TJP3: variants seen among roughly 807,000 people sequenced by gnomAD.
TJP3 encodes the protein tight junction protein 3.
Under a neutral mutation model 104.2 loss-of-function variants are expected in TJP3, and 85 were observed. That is an observed-to-expected ratio of 0.82 (90% CI 0.68 to 0.98). TJP3 has a LOEUF of 0.98. Ranked by LOEUF, TJP3 falls within the 50% of genes least tolerant of loss-of-function variation. The probability of loss-of-function intolerance (pLI) is 0.00; values close to 1 mark genes in which losing one functional copy is unlikely to be tolerated. For missense variants in TJP3, 1,367 were observed against 1,322.8 expected, an observed-to-expected ratio of 1.03 and a Z score of -0.52; for synonymous variants, 550 against 550.6, an observed-to-expected ratio of 1.00 and a Z score of 0.02.
chr19:3,732,569 G>A (rs1489439829), intron 6 of TJP3, among the ~76,000 whole-genome samples: 1 of 151,820 alleles, frequency 6.6e-6, no homozygotes, highest in Non-Finnish European at 1.5e-5. Context: ...GAGTGCAGTG[G>A]CGCAATCTCG....
intron 1 of TJP3, among the ~76,000 whole-genome samples, chr19:3,709,038 G>A (rs1174761093): frequency 6.6e-6 from 1 of 151,772 alleles, no homozygotes; most frequent in Admixed American, 6.6e-5. Flanking sequence ...TGCGTCTCCC[G>A]CCCCCCAACC....
Position 3,746,417 on chromosome 19 carries a change from T to C in TJP3, c.2011-68T>C. 1 of 1,526,060 alleles carries C rather than the reference T, an allele frequency of 6.6e-7. No homozygotes were observed. Among genetic ancestry groups the C allele is most frequent in the Non-Finnish European group, 9.0e-7 (1 of 1,111,002 alleles). 94.5% of individuals were successfully genotyped at this position (1,526,060 alleles called of 1,614,324 possible). On this transcript the variant is annotated intron_variant, in intron 16 of 20. Transcript: ENST00000541714. The surrounding 1 kb of genome is among the most constrained non-coding windows in gnomAD (Gnocchi z 4.1). The stretch of plus-strand genomic sequence containing the variant: ...ACTCTGACCTCAGACTCTTCATCTT[T>C]CTATCTTTCTCTCTCTGTTTACCCT...
intron 14 of TJP3, among the ~76,000 whole-genome samples, chr19:3,743,225 C>A (rs2036845980): frequency 6.6e-6 from 1 of 152,096 alleles, no homozygotes; most frequent in African/African-American, 2.4e-5. Context: ...GATTGCGCCA[C>A]TGCACTCCAG....
chr19:3,746,344 AC>A lies in TJP3; in HGVS notation c.2011-136del. ...AGATGCTGCGACCTGGGCTGTTACC[AC>A]CCCCATCCCCAACTTGCTAGCCTGT... On this transcript the variant is annotated intron_variant, in intron 16 of 20. Transcript: ENST00000541714. The surrounding 1 kb of genome is among the most constrained non-coding windows in gnomAD (Gnocchi z 4.1). 3.2e-6 allele frequency: 3 copies of A among 937,856 alleles called. No individual in the cohort carries two copies. The highest frequency in any genetic ancestry group is 3.2e-6 in the Non-Finnish European group (2 of 630,068). The allele number at this position is 937,856 out of a possible 1,614,324, so 58.1% of individuals were successfully genotyped here.
At chr19:3,720,880 C>T (rs1177984271) in intron 1 of TJP3, among the ~76,000 whole-genome samples, 3 of 148,832 alleles carry the variant, frequency 2.0e-5, no homozygotes, top group East Asian at 2.0e-4. Context: ...CCTTCCTTCC[C>T]TTCTTTCCTT....
At chr19:3,715,093 GT>G (rs34360179) in intron 1 of TJP3, among the ~76,000 whole-genome samples, 3,512 of 142,948 alleles carry the variant, frequency 0.025, 117 homozygotes, top group African/African-American at 0.077. Context: ...TGGTTGGTTG[GT>G]TTTTTTTTTT....
At chr19:3,729,181 C>T (rs1038824623) in intron 3 of TJP3, among the ~76,000 whole-genome samples, 7 of 152,154 alleles carry the variant, frequency 4.6e-5, no homozygotes, top group Admixed American at 4.6e-4. Flanking sequence ...TAAGGTACTT[C>T]CTGGTCCTTC....
Position 3,730,800 on chromosome 19 carries a change from C to G in TJP3, c.613+94C>G. On this transcript the variant is annotated intron_variant, in intron 5 of 20. Coordinates refer to ENST00000541714, the MANE Select transcript of TJP3 (RefSeq NM_001267560.2). The surrounding 1 kb of genome is among the most constrained non-coding windows in gnomAD (Gnocchi z 7.3). ...GTTTCAAGTGATTCTCCTGCCTCAGCCTCCCTGGTGGCTGGGACTCCAGGC... is the reference window on the plus strand; with the variant it reads ...GTTTCAAGTGATTCTCCTGCCTCAGGCTCCCTGGTGGCTGGGACTCCAGGC... 1 of 1,368,498 alleles carries G rather than the reference C, an allele frequency of 7.3e-7. No homozygotes were observed. Among genetic ancestry groups the G allele is most frequent in the Non-Finnish European group, 9.7e-7 (1 of 1,025,846 alleles). 84.8% of individuals were successfully genotyped at this position (1,368,498 alleles called of 1,614,324 possible).
chr19:3,741,490 G>A (rs2036818766), intron 14 of TJP3, among the ~76,000 whole-genome samples: 1 of 151,216 alleles, frequency 6.6e-6, no homozygotes, highest in Non-Finnish European at 1.5e-5. Context: ...AGCTGGGCAT[G>A]GTGGCAGGCG....
chr19:3,749,256 G>C (rs969843254), intron 19 of TJP3, among the ~76,000 whole-genome samples: 2 of 152,124 alleles, frequency 1.3e-5, no homozygotes, highest in Non-Finnish European at 2.9e-5. Flanking sequence ...ACAGGGCGGT[G>C]GTGAGCACTC....
At chr19:3,718,212 A>AGTGTGT (rs71339057) in intron 1 of TJP3, among the ~76,000 whole-genome samples, 510 of 48,250 alleles carry the variant, frequency 0.011, 1 homozygote, top group Non-Finnish European at 0.014. Context: ...AAAAAAAAAA[A>AGTGTGT]GTGTGTGTGT....
At chr19:3,717,199 A>G (rs2036486997) in intron 1 of TJP3, among the ~76,000 whole-genome samples, 1 of 145,850 alleles carries the variant, frequency 6.9e-6, no homozygotes, top group Non-Finnish European at 1.5e-5. Context: ...TCCCAACCTC[A>G]GGTGATCCGC....
chr19:3,750,145 GCCGCCACCC>G lies in TJP3; in HGVS notation c.2621_2629del (p.Arg874_Pro876del). 6.2e-7 allele frequency: 1 copy of G among 1,614,110 alleles called. No homozygotes were observed. The highest frequency in any genetic ancestry group is 8.5e-7 in the Non-Finnish European group (1 of 1,180,016). ...CTCTCCCTCTCCTCCAAGGTGGACA[GCCGCCACCC>G]CCAGGGACAGTGGCGACAGGACAGC... On this transcript the variant is annotated inframe_deletion, in exon 20 of 21. Transcript: ENST00000541714.
At chr19:3,711,915 G>C (rs949559085) in intron 1 of TJP3, among the ~76,000 whole-genome samples, 58 of 151,830 alleles carry the variant, frequency 3.8e-4, no homozygotes, top group African/African-American at 1.4e-3. Context: ...CGAGCTTCTG[G>C]GCTCAAGTGA....
Position 3,745,921 on chromosome 19 carries a change from C to T in TJP3, c.1940-90C>T, listed in dbSNP as rs114057115. 3,346 of 1,095,908 alleles carry T rather than the reference C, an allele frequency of 3.1e-3. 78 individuals are homozygous for T. In the African/African-American group the frequency reaches 0.047, roughly 15 times the overall value. The allele number at this position is 1,095,908 out of a possible 1,614,324, so 67.9% of individuals were successfully genotyped here. A position where few individuals can be genotyped will look rare whatever the true frequency, so the allele number is the denominator to read the frequency against. On this transcript the variant is annotated intron_variant, in intron 15 of 20. Transcript: ENST00000541714. ...CCAGGGCAATGGGGAGCCATGGTGG[C>T]TTCTTGAGCAGGGGAGGGGCAGGTA... is the stretch of plus-strand genomic sequence containing the variant.
intron 19 of TJP3, among the ~76,000 whole-genome samples, chr19:3,749,155 A>T (rs181585249): frequency 6.6e-6 from 1 of 151,882 alleles, no homozygotes; most frequent in African/African-American, 2.4e-5. Context: ...GGCGTGAGCC[A>T]CCGCACCTGG....
At chr19:3,723,199 A>G (rs986244101) in intron 1 of TJP3, among the ~76,000 whole-genome samples, 1 of 152,196 alleles carries the variant, frequency 6.6e-6, no homozygotes, top group African/African-American at 2.4e-5. Flanking sequence ...GGGAAGGTGT[A>G]AGGTGGACAA....
chr19:3,736,460 G>T, intron 11 of TJP3, 139 bp downstream of exon 11: 1 of 858,532 alleles, frequency 1.2e-6, no homozygotes, highest in Non-Finnish European at 1.6e-6. Flanking sequence ...ACATTTCAGT[G>T]TCTCCTTGGC....
chr19:3,741,918 G>A (rs537613344), intron 14 of TJP3, among the ~76,000 whole-genome samples: 14 of 150,432 alleles, frequency 9.3e-5, no homozygotes, highest in Non-Finnish European at 1.8e-4. Flanking sequence ...TGCAGTGAGC[G>A]GAGATCACAC....
Sources: allele counts gnomAD v4.1 joint callset (sites outside exome capture counted in the v4.1 genomes callset), GRCh38; gene constraint gnomAD v4.1.1; non-coding constraint Gnocchi (gnomAD v3.1); transcripts MANE v1.5; gene names NCBI Gene and HGNC (gene_info 2026-07-23, HGNC 2026-07-21).